Variants in DPYD observed in about 807,000 individuals in gnomAD.
The protein encoded by DPYD is dihydropyrimidine dehydrogenase [NADP(+)].
Under a neutral mutation model 116.2 loss-of-function variants are expected in DPYD, and 109 were observed. That is an observed-to-expected ratio of 0.94 (90% CI 0.80 to 1.10). The LOEUF (loss-of-function observed/expected upper bound fraction) is 1.10, where lower values mean the gene tolerates loss of function less well. Among genes scored for constraint, DPYD ranks in the 50% least tolerant of loss-of-function variants. DPYD has a pLI of 0.00. For synonymous variants in DPYD, 440 were observed against 432.0 expected (o/e 1.02, Z -0.23); for missense variants, 1,302 against 1,254.5 (o/e 1.04, Z -0.57).
intron 11 of DPYD, among the ~76,000 whole-genome samples, chr1:97,560,943 G>A (rs1182162365): frequency 6.6e-6 from 1 of 152,164 alleles, no homozygotes; most frequent in East Asian, 1.9e-4. Flanking sequence ...AGGGTGTTAA[G>A]GATGAGATGC....
At chr1:97,337,346 C>G (rs1438640730) in intron 16 of DPYD, among the ~76,000 whole-genome samples, 1 of 152,118 alleles carries the variant, frequency 6.6e-6, no homozygotes, top group Non-Finnish European at 1.5e-5. Context: ...AACAAATATT[C>G]CCAGGTGAGT....
At chr1:97,202,171 A>G (rs1471609492) in intron 19 of DPYD, among the ~76,000 whole-genome samples, 1 of 152,202 alleles carries the variant, frequency 6.6e-6, no homozygotes, top group African/African-American at 2.4e-5. Context: ...AGTTCAGTTC[A>G]GAAAAATTGC....
intron 20 of DPYD, among the ~76,000 whole-genome samples, chr1:97,164,838 T>C (rs1444714088): frequency 6.6e-6 from 1 of 150,950 alleles, no homozygotes; most frequent in Non-Finnish European, 1.5e-5. Context: ...GTTATTAAAA[T>C]GACCAAGTGC....
intron 5 of DPYD, among the ~76,000 whole-genome samples, chr1:97,701,876 C>A (rs1661616959): frequency 6.6e-6 from 1 of 151,734 alleles, no homozygotes; most frequent in Non-Finnish European, 1.5e-5. Flanking sequence ...TAAGGGAAGA[C>A]AACATCTTTG....
intron 2 of DPYD, among the ~76,000 whole-genome samples, chr1:97,871,803 A>G (rs1234345781): frequency 1.3e-5 from 2 of 151,892 alleles, no homozygotes; most frequent in Non-Finnish European, 2.9e-5. Flanking sequence ...TTTTCCATAT[A>G]CATTGTTCTC....
At chr1:97,692,879 C>A (rs1557886966) in intron 6 of DPYD, among the ~76,000 whole-genome samples, 1 of 152,188 alleles carries the variant, frequency 6.6e-6, no homozygotes, top group East Asian at 1.9e-4. Context: ...GATGAATCTT[C>A]TGGATCATCA....
chr1:97,301,935 A>T (rs1252533757), intron 18 of DPYD, among the ~76,000 whole-genome samples: 1 of 151,998 alleles, frequency 6.6e-6, no homozygotes, highest in African/African-American at 2.4e-5. Flanking sequence ...ATTTCAAACT[A>T]AAACAAGAAA....
chr1:97,406,050 T>C (rs900731032), intron 14 of DPYD, among the ~76,000 whole-genome samples: 1 of 152,070 alleles, frequency 6.6e-6, no homozygotes, highest in East Asian at 1.9e-4. Flanking sequence ...TTTTTAACTC[T>C]CAGACTTGTC....
intron 8 of DPYD, among the ~76,000 whole-genome samples, chr1:97,606,649 T>A (rs1655619369): frequency 6.6e-6 from 1 of 151,862 alleles, no homozygotes; most frequent in South Asian, 2.1e-4. Flanking sequence ...GAGGGGTCAT[T>A]CAAGTCACAC....
chr1:97,573,322 T>G (rs536781414), intron 11 of DPYD, among the ~76,000 whole-genome samples: 1 of 152,108 alleles, frequency 6.6e-6, no homozygotes, highest in Non-Finnish European at 1.5e-5. Flanking sequence ...TTCTGACATC[T>G]GAAGTGATGA....
At chr1:97,251,095 C>T (rs914488019) in intron 18 of DPYD, among the ~76,000 whole-genome samples, 1 of 151,950 alleles carries the variant, frequency 6.6e-6, no homozygotes, top group Non-Finnish European at 1.5e-5. Context: ...TTCCCATTTG[C>T]AAATAGAAAA....
intron 18 of DPYD, among the ~76,000 whole-genome samples, chr1:97,275,755 C>A (rs1380541338): frequency 2.0e-5 from 3 of 152,134 alleles, no homozygotes; most frequent in Non-Finnish European, 4.4e-5. Flanking sequence ...TATCTCAATC[C>A]TTCCTCTTTC....
At chr1:97,173,427 T>C (rs762462541) in intron 20 of DPYD, among the ~76,000 whole-genome samples, 21 of 149,650 alleles carry the variant, frequency 1.4e-4, no homozygotes, top group Non-Finnish European at 2.4e-4. Context: ...TATATGTGTG[T>C]ATATACGTAC....
chr1:97,576,895 T>A (rs971088990), intron 10 of DPYD, among the ~76,000 whole-genome samples: 5 of 152,186 alleles, frequency 3.3e-5, no homozygotes, highest in African/African-American at 1.2e-4. Context: ...GCAGCAGACA[T>A]AAATCACACC....
chr1:97,462,622 T>C (rs1677090548), intron 13 of DPYD, among the ~76,000 whole-genome samples: 1 of 152,172 alleles, frequency 6.6e-6, no homozygotes, highest in Non-Finnish European at 1.5e-5. Context: ...TGAAACAAAC[T>C]TTTTGTGCAA....
intron 20 of DPYD, among the ~76,000 whole-genome samples, chr1:97,171,754 T>G (rs757429688): frequency 4.6e-5 from 7 of 152,242 alleles, no homozygotes; most frequent in Non-Finnish European, 8.8e-5. Context: ...TTATCAATTC[T>G]ACTTTTCCTT....
At chr1:97,224,744 T>C (rs1158909314) in intron 19 of DPYD, among the ~76,000 whole-genome samples, 3 of 151,688 alleles carry the variant, frequency 2.0e-5, no homozygotes, top group African/African-American at 7.3e-5. Context: ...AGATTCCACA[T>C]ATAAGAGAGA....
chr1:97,705,901 T>C (rs1661917569), intron 5 of DPYD, among the ~76,000 whole-genome samples: 1 of 152,128 alleles, frequency 6.6e-6, no homozygotes, highest in African/African-American at 2.4e-5. Context: ...TGAGCATTTT[T>C]TCATGTGTTT....
intron 20 of DPYD, among the ~76,000 whole-genome samples, chr1:97,099,951 C>A (rs1650544643): frequency 6.6e-6 from 1 of 152,024 alleles, no homozygotes; most frequent in Admixed American, 6.6e-5. Flanking sequence ...CTTCCATTAT[C>A]AATTCATTAT....
Sources: gnomAD v4.1 joint callset for allele counts (sites outside exome capture counted in the v4.1 genomes callset) on GRCh38, gnomAD v4.1.1 for gene constraint, MANE v1.5 for transcripts, NCBI Gene and HGNC (gene_info 2026-07-23, HGNC 2026-07-21) for gene names.